Variants in ADCK1 observed in about 807,000 individuals in gnomAD.
ADCK1 encodes aarF domain containing kinase 1.
Under a neutral mutation model 52.3 loss-of-function variants are expected in ADCK1, and 41 were observed. The observed-to-expected ratio is 0.78, with a 90% confidence interval of 0.61 to 1.02. ADCK1 has a LOEUF of 1.02. ADCK1 is among the 50% of genes least tolerant of loss of function. The pLI, the probability that ADCK1 is intolerant of heterozygous loss-of-function variation, is 0.00. For missense variants in ADCK1, 658 were observed against 679.5 expected (o/e 0.97, Z 0.35); for synonymous variants, 250 against 274.6 (o/e 0.91, Z 0.89).
intron 6 of ADCK1, among the ~76,000 whole-genome samples, chr14:77,901,968 G>A (rs2083557631): frequency 6.6e-6 from 1 of 152,146 alleles, no homozygotes; most frequent in African/African-American, 2.4e-5. Context: ...GCCCTCAGGA[G>A]CTCCATGTGC....
intron 3 of ADCK1, among the ~76,000 whole-genome samples, chr14:77,848,622 T>G (rs2082218839): frequency 6.6e-6 from 1 of 151,846 alleles, no homozygotes; most frequent in Non-Finnish European, 1.5e-5. Flanking sequence ...CGTGCCACCA[T>G]GCCTGGCTAA....
chr14:77,833,572 T>C (rs2081901877), intron 3 of ADCK1, among the ~76,000 whole-genome samples: 1 of 152,232 alleles, frequency 6.6e-6, no homozygotes, highest in Non-Finnish European at 1.5e-5. Flanking sequence ...ACCTCCTTTT[T>C]AGCTTTCTGA....
Position 77,925,757 on chromosome 14 carries a change from AC to A in ADCK1, c.1009-4del, listed in dbSNP as rs1566740676. 1 of 1,613,896 alleles carries A rather than the reference AC, an allele frequency of 6.2e-7. No individual in the cohort carries two copies. The highest frequency in any genetic ancestry group is 1.1e-5 in the South Asian group (1 of 91,080). ...CTTAGGTCCCACCGCTGCCGCCTCC[AC>A]CCTAGATGCTCACGGAAGAATTCCG... is the stretch of plus-strand genomic sequence containing the variant. On this transcript the variant is annotated splice_region_variant and splice_polypyrimidine_tract_variant and intron_variant, in intron 8 of 10. Coordinates refer to ENST00000238561, the MANE Select transcript of ADCK1 (RefSeq NM_020421.4).
intron 4 of ADCK1, among the ~76,000 whole-genome samples, chr14:77,875,336 A>G (rs534868092): frequency 3.2e-4 from 49 of 151,882 alleles, no homozygotes; most frequent in Middle Eastern, 3.4e-3. Flanking sequence ...CGGGGAAGGA[A>G]TTTTCTATAA....
In ADCK1 at chr14:77,879,921, T is replaced by C. The variant is rs141376960; in HGVS notation, c.424-7170T>C. ...TGGGGGGCTACTATAGGCTCTATTC[T>C]AGACCCTTTATGTATGTGGTTTCAT... On this transcript the variant is annotated intron_variant, in intron 4 of 10. Transcript: ENST00000238561. Among the ~76,000 whole-genome samples the C allele has an allele frequency of 2.9e-3, 444 of 152,306 alleles. 1 individual carries two copies. Among genetic ancestry groups the C allele is most frequent in the African/African-American group, 0.01 (426 of 41,568 alleles).
At position 77,854,761 on chromosome 14, in the gene ADCK1, G is replaced by A. The variant is rs889063188; in HGVS notation, c.220-4315G>A. 2.6e-5 allele frequency among the ~76,000 whole-genome samples: 4 copies of A among 152,060 alleles called. No individual in the cohort carries two copies. In the East Asian group the frequency reaches 5.8e-4, roughly 22 times the overall value. On this transcript the variant is annotated intron_variant, in intron 3 of 10. Transcript: ENST00000238561. ...TTTAGTAGAGGCGGGGTTTCACCAT[G>A]TTGGCCAAGCTGGTCTTGGACTCCT...
Position 77,800,111 on chromosome 14 carries a change from T to G in ADCK1, c.-71T>G, listed in dbSNP as rs2081075327. ...TGGCTGTCCCCGCACGGTTCCCAGC[T>G]AATTCCCCGCTACCGGGTTGCGGCC... On this transcript the variant is annotated 5_prime_UTR_variant, in exon 1 of 11. Coordinates refer to ENST00000238561, the MANE Select transcript of ADCK1 (RefSeq NM_020421.4). 6.6e-6 allele frequency: 1 copy of G among 152,238 alleles called. No individual in the cohort carries two copies. 9.4% of individuals were successfully genotyped at this position (152,238 alleles called of 1,614,324 possible).
chr14:77,870,776 T>C (rs2082759938), intron 4 of ADCK1, among the ~76,000 whole-genome samples: 1 of 152,182 alleles, frequency 6.6e-6, no homozygotes, highest in Admixed American at 6.5e-5. Flanking sequence ...CCCCATGCCT[T>C]CTAGGACTGC....
At chr14:77,901,444 T>C (rs149007341) in intron 6 of ADCK1, among the ~76,000 whole-genome samples, 4,803 of 151,388 alleles carry the variant, frequency 0.032, 141 homozygotes, top group South Asian at 0.12. Context: ...GGCTGGTGCG[T>C]AGTGGTGCAA....
At chr14:77,861,288 C>T (rs1353197336) in intron 4 of ADCK1, among the ~76,000 whole-genome samples, 1 of 152,196 alleles carries the variant, frequency 6.6e-6, no homozygotes, top group Non-Finnish European at 1.5e-5. Context: ...ACTCTGTCTT[C>T]CCTGCCCTCT....
chr14:77,918,910 CT>C (rs2083986649), intron 7 of ADCK1, among the ~76,000 whole-genome samples: 1 of 152,206 alleles, frequency 6.6e-6, no homozygotes, highest in Admixed American at 6.5e-5. Flanking sequence ...AAGGTTGTGA[CT>C]TCTTTTTATG....
intron 5 of ADCK1, among the ~76,000 whole-genome samples, chr14:77,895,058 A>T (rs1224690201): frequency 1.3e-5 from 2 of 152,064 alleles, no homozygotes; most frequent in Admixed American, 6.6e-5. Context: ...TGGCCCATTG[A>T]CTAGTTTTCA....
In ADCK1 at chr14:77,887,176, G is replaced by A. The variant is rs780580464; in HGVS notation, c.509G>A (p.Gly170Glu). The A allele has an allele frequency of 3.7e-6, 6 of 1,610,702 alleles. No individual in the cohort carries two copies. The South Asian group carries it at 6.6e-5, about 18-fold the overall frequency. The change falls in exon 5 of 11, where the codon GGG becomes GAG. Residue 170 changes from glycine to glutamate, a missense_variant. Gly to Glu is a moderately conservative substitution (Grantham distance 98). Transcript: ENST00000238561. ...AQVHKAVLHD[G>E]RTVAVKVQHP... ...GTCCACAAGGCAGTGCTGCATGATG[G>A]GCGGACGGTGGCCGTGAAGGTCCAG...
chr14:77,871,776 A>C (rs2082783552), intron 4 of ADCK1, among the ~76,000 whole-genome samples: 1 of 152,190 alleles, frequency 6.6e-6, no homozygotes, highest in South Asian at 2.1e-4. Context: ...GAGCACTGTC[A>C]GGGCTAGGCC....
intron 7 of ADCK1, among the ~76,000 whole-genome samples, chr14:77,914,940 AC>A (rs956942012): frequency 3.4e-5 from 5 of 149,210 alleles, no homozygotes; most frequent in Non-Finnish European, 4.5e-5. Flanking sequence ...GTACCCCCTT[AC>A]CCCCACTGTA....
chr14:77,901,253 G>T (rs1231392598), intron 6 of ADCK1, among the ~76,000 whole-genome samples: 2 of 150,872 alleles, frequency 1.3e-5, no homozygotes, highest in East Asian at 3.9e-4. Context: ...GTTTCACCAT[G>T]TTGTCAGGCT....
At chr14:77,907,949 C>T (rs17106595) in intron 7 of ADCK1, 30 bp downstream of exon 7, 212,760 of 1,599,702 alleles carry the variant, frequency 0.13, 15,341 homozygotes, top group Middle Eastern at 0.25. Context: ...GCTGCTGTGC[C>T]GGGGAACGTG....
At chr14:77,928,359 A>G (rs1480578527) in intron 9 of ADCK1, among the ~76,000 whole-genome samples, 2 of 152,192 alleles carry the variant, frequency 1.3e-5, no homozygotes, top group Admixed American at 1.3e-4. Context: ...AAGAGTCTTC[A>G]GGGTAAGGTG....
In ADCK1 at chr14:77,824,213, T is replaced by G. The variant is rs148332927; in HGVS notation, c.219+1695T>G. ...ATGCCTGGCTTCATTCACTTAATTT[T>G]TTTCCCCAAAATATTTAAATGCAAA... On this transcript the variant is annotated intron_variant, in intron 3 of 10. Coordinates refer to ENST00000238561, the MANE Select transcript of ADCK1 (RefSeq NM_020421.4). Among the ~76,000 whole-genome samples, 4 of 152,052 alleles carry G rather than the reference T, an allele frequency of 2.6e-5. No homozygotes were observed. The East Asian group carries it at 7.8e-4, about 30-fold the overall frequency.
Sources: allele counts gnomAD v4.1 joint callset (sites outside exome capture counted in the v4.1 genomes callset), GRCh38; gene constraint gnomAD v4.1.1; transcripts MANE v1.5; gene names NCBI Gene and HGNC (gene_info 2026-07-23, HGNC 2026-07-21).